Variants in SOX6 observed in about 807,000 individuals in gnomAD.
SOX6 encodes the protein transcription factor SOX-6.
A neutral mutation model predicts 97.8 loss-of-function variants in SOX6; 11 were observed. That is an observed-to-expected ratio of 0.11 (90% CI 0.07 to 0.19). The LOEUF (loss-of-function observed/expected upper bound fraction) is 0.19, where lower values mean the gene tolerates loss of function less well. SOX6 is among the 10% of genes least tolerant of loss of function. SOX6 has a pLI of 1.00. For missense variants in SOX6, 810 were observed against 1,039.5 expected (o/e 0.78, Z 3.04); for synonymous variants, 360 against 371.4 (o/e 0.97, Z 0.35).
At position 16,186,892 on chromosome 11, in the gene SOX6, C is replaced by A. The variant is rs778286409; in HGVS notation, c.599G>T (p.Ser200Ile). Reference protein sequence around the residue: ...QLSTMITQLISLREQLLAAHD... With the variant: ...QLSTMITQLIILREQLLAAHD... ...CGCTGCCAGTAGCTGCTCCCGTAAA[C>A]TGATCAGCTGGGTAATCATGGTGGA... Residue 200 changes from serine (S) to isoleucine (I), a missense_variant, in exon 5 of 16, where the codon AGT becomes ATT. Ser to Ile is a moderately radical substitution (Grantham distance 142). Around this residue, in one of 9 missense-constraint regions of SOX6, gnomAD observed 110 missense variants for 119.0 expected, o/e 0.92. Transcript: ENST00000683767. The A allele has an allele frequency of 4.3e-6, 7 of 1,613,846 alleles. No individual in the cohort carries two copies. In the South Asian group the frequency reaches 7.7e-5, roughly 18 times the overall value.
intron 1 of SOX6, among the ~76,000 whole-genome samples, chr11:16,438,887 A>G (rs2133083772): frequency 6.6e-6 from 1 of 152,222 alleles, no homozygotes; most frequent in Admixed American, 6.5e-5. Context: ...TACCCTTTAA[A>G]TGCCACAGAA....
intron 12 of SOX6, among the ~76,000 whole-genome samples, chr11:16,035,169 T>C (rs1157510049): frequency 6.6e-6 from 1 of 152,168 alleles, no homozygotes; most frequent in African/African-American, 2.4e-5. Flanking sequence ...ATATAATGTG[T>C]GACCTTCTTT....
chr11:16,431,735 G>T (rs1474132431), intron 1 of SOX6, among the ~76,000 whole-genome samples: 1 of 151,966 alleles, frequency 6.6e-6, no homozygotes, highest in East Asian at 1.9e-4. Flanking sequence ...ACTTCCTAGG[G>T]TTTTACTTGT....
chr11:15,989,608 GTTTCCCAAAAATAGAATT>G (rs1853980592), intron 13 of SOX6, among the ~76,000 whole-genome samples: 1 of 152,048 alleles, frequency 6.6e-6, no homozygotes, highest in Non-Finnish European at 1.5e-5. Context: ...CACTCTATAT[GTTTCCCAAAAATAGAATT>G]GTTTTTCACA....
At chr11:16,601,929 A>G (rs1248762613) in intron 4 of SOX6, among the ~76,000 whole-genome samples, 1 of 152,164 alleles carries the variant, frequency 6.6e-6, no homozygotes, top group Non-Finnish European at 1.5e-5. Context: ...CTTAAAATGA[A>G]AAATATCTGT....
In SOX6 at chr11:15,971,245, T is replaced by C. The variant is rs1029079435; in HGVS notation, c.*1564A>G. 3.3e-5 allele frequency: 5 copies of C among 152,816 alleles called. No individual in the cohort carries two copies. The highest frequency in any genetic ancestry group is 3.4e-3 in the Middle Eastern group (1 of 294). 9.5% of individuals were successfully genotyped at this position (152,816 alleles called of 1,614,324 possible). A position where few individuals can be genotyped will look rare whatever the true frequency, so the allele number is the denominator to read the frequency against. On this transcript the variant is annotated 3_prime_UTR_variant, in exon 16 of 16. Coordinates refer to ENST00000683767, the MANE Select transcript of SOX6 (RefSeq NM_001367873.1). ...TTTCATTCTCTAGATGTATCATGAC[T>C]ATTTGCCACCATCTTTGCTCTGAGG...
At chr11:16,714,133 T>C (rs1848200593) in intron 3 of SOX6, among the ~76,000 whole-genome samples, 1 of 152,174 alleles carries the variant, frequency 6.6e-6, no homozygotes, top group African/African-American at 2.4e-5. Context: ...ATTTGACTTT[T>C]AGCATTGCAA....
chr11:16,535,332 C>T (rs149594325), intron 4 of SOX6, among the ~76,000 whole-genome samples: 1 of 152,186 alleles, frequency 6.6e-6, no homozygotes, highest in African/African-American at 2.4e-5. Flanking sequence ...CCCCAAAAAT[C>T]AAATAAGCAA....
intron 11 of SOX6, 73 bp from the exon 12 acceptor site, chr11:16,046,774 C>A: frequency 6.9e-7 from 1 of 1,452,046 alleles, no homozygotes; most frequent in Non-Finnish European, 9.6e-7. Flanking sequence ...TATCCCCTCC[C>A]CTGTAGAAAG....
chr11:16,271,444 T>G (rs971418705), intron 3 of SOX6, among the ~76,000 whole-genome samples: 5 of 151,584 alleles, frequency 3.3e-5, no homozygotes, highest in Non-Finnish European at 3.0e-5. Context: ...ACTGGGACTA[T>G]CTGGTGTTTG....
chr11:16,709,689 T>C (rs1203872520), intron 3 of SOX6, among the ~76,000 whole-genome samples: 3 of 152,206 alleles, frequency 2.0e-5, no homozygotes, highest in Non-Finnish European at 4.4e-5. Flanking sequence ...TTAAACCTCT[T>C]TTCTTTATAA....
At chr11:16,079,870 T>C (rs1478530426) in intron 9 of SOX6, among the ~76,000 whole-genome samples, 3 of 152,038 alleles carry the variant, frequency 2.0e-5, no homozygotes, top group Non-Finnish European at 4.4e-5. Context: ...GGCTTAACTC[T>C]CTAATTAGCT....
chr11:16,216,337 TAA>T (rs1282454809), intron 4 of SOX6, among the ~76,000 whole-genome samples: 1 of 152,188 alleles, frequency 6.6e-6, no homozygotes. Context: ...ATAAGCACTT[TAA>T]AAAGATTTGT....
At chr11:16,661,735 G>A (rs1421720418) in intron 3 of SOX6, among the ~76,000 whole-genome samples, 1 of 151,732 alleles carries the variant, frequency 6.6e-6, no homozygotes, top group East Asian at 1.9e-4. Context: ...TTTGTGTAGA[G>A]ATGGAGGTCT....
intron 2 of SOX6, among the ~76,000 whole-genome samples, chr11:16,736,067 T>C (rs186002666): frequency 6.6e-6 from 1 of 152,304 alleles, no homozygotes; most frequent in Non-Finnish European, 1.5e-5. Flanking sequence ...AAGAAGAACA[T>C]TGCTGAGTTT....
intron 9 of SOX6, among the ~76,000 whole-genome samples, chr11:16,076,982 T>G (rs1848370754): frequency 6.6e-6 from 1 of 151,458 alleles, no homozygotes; most frequent in Non-Finnish European, 1.5e-5. Flanking sequence ...CTCGATCTCC[T>G]GACCTCATGA....
At chr11:16,736,578 C>A (rs1205245365) in intron 1 of SOX6, 1 of 152,186 alleles carries the variant, frequency 6.6e-6, no homozygotes, top group Non-Finnish European at 1.5e-5. Context: ...TATTGACAAT[C>A]CTTTCTTATT....
At chr11:16,703,031 C>T (rs939724935) in intron 3 of SOX6, among the ~76,000 whole-genome samples, 1 of 151,076 alleles carries the variant, frequency 6.6e-6, no homozygotes, top group African/African-American at 2.4e-5. Context: ...ATGAATAAAA[C>T]AATTATTGTA....
chr11:16,289,857 T>C (rs1460056873), intron 3 of SOX6, among the ~76,000 whole-genome samples: 1 of 151,976 alleles, frequency 6.6e-6, no homozygotes, highest in Non-Finnish European at 1.5e-5. Context: ...AGAATACCAA[T>C]ACTCATCTTC....
Sources: gnomAD v4.1 joint callset for allele counts (sites outside exome capture counted in the v4.1 genomes callset) on GRCh38, gnomAD v4.1.1 for gene constraint, gnomAD v4.1.1 regional missense constraint, MANE v1.5 for transcripts, NCBI Gene and HGNC (gene_info 2026-07-23, HGNC 2026-07-21) for gene names.